WNT5B: variants seen among roughly 807,000 people sequenced by gnomAD.
The protein encoded by WNT5B is Wnt family member 5B, also known as protein Wnt-5b.
Under a neutral mutation model 36.5 loss-of-function variants are expected in WNT5B, and 18 were observed. The observed-to-expected ratio is 0.49, with a 90% CI of 0.34 to 0.73. WNT5B has a LOEUF of 0.73. WNT5B is among the 30% of genes least tolerant of loss of function. The pLI is 0.01. For synonymous variants in WNT5B, 213 were observed against 212.3 expected (o/e 1.00, Z -0.03); for missense variants, 424 against 508.4 (o/e 0.83, Z 1.60).
Position 1,646,288 on chromosome 12 carries a change from C to A in WNT5B, c.*36C>A. ...CTGCTCCCGGCCCCCCTGCACTCTG[C>A]CTCACAAAGGTCTATATTATATAAA... On this transcript the variant is annotated 3_prime_UTR_variant, in exon 5 of 5. Coordinates refer to ENST00000397196, the MANE Select transcript of WNT5B (RefSeq NM_032642.3). 6.5e-7 allele frequency: 1 copy of A among 1,542,896 alleles called. No individual in the cohort carries two copies. The highest frequency in any genetic ancestry group is 1.2e-5 in the South Asian group (1 of 82,946).
Position 1,646,098 on chromosome 12 carries a change from A to G in WNT5B, c.926A>G (p.Glu309Gly). 2 of 1,613,972 alleles carry G rather than the reference A, an allele frequency of 1.2e-6. No homozygotes were observed. The highest frequency in any genetic ancestry group is 1.6e-4 in the Middle Eastern group (1 of 6,062). The change falls in exon 5 of 5, where the codon GAG (glutamate) becomes GGG (glycine). Residue 309 changes from glutamate to glycine, a missense_variant. Coordinates refer to ENST00000397196, the MANE Select transcript of WNT5B (RefSeq NM_032642.3). ...GGCCGCCTCTGCAACAAGACCTCGG[A>G]GGGCATGGATGGCTGTGAGCTCATG... ...TQGRLCNKTS[E>G]GMDGCELMCC...
intron 4 of WNT5B, among the ~76,000 whole-genome samples, chr12:1,643,289 G>A (rs1381796750): frequency 6.6e-6 from 1 of 152,168 alleles, no homozygotes; most frequent in African/African-American, 2.4e-5. Context: ...TCTGTCACCA[G>A]GCTCAGCACA....
rs1322158939 is a variant in WNT5B at position 1,646,884 on chromosome 12, C to G, written c.*632C>G. ...CCTCCCGGACTTCAGGCCTGCCTTT[C>G]CAGCGAGAATTCTTCATCCTCCACG... On this transcript the variant is annotated 3_prime_UTR_variant, in exon 5 of 5. Coordinates refer to ENST00000397196, the MANE Select transcript of WNT5B (RefSeq NM_032642.3). 1 of 152,276 alleles carries G rather than the reference C, an allele frequency of 6.6e-6. No homozygotes were observed. The highest frequency in any genetic ancestry group is 1.5e-5 in the Non-Finnish European group (1 of 68,132). 9.4% of individuals were successfully genotyped at this position (152,276 alleles called of 1,614,324 possible).
chr12:1,629,034 T>G (rs530156458), upstream of WNT5B, among the ~76,000 whole-genome samples: 57 of 150,522 alleles, frequency 3.8e-4, no homozygotes, highest in African/African-American at 1.4e-3. Flanking sequence ...AGAGCCATTT[T>G]GGGGGGCAAT....
In WNT5B at chr12:1,639,836, TGTGGGGACAACGTGGA is replaced by T. The variant is rs775755796; in HGVS notation, c.484_499del (p.Gly162ThrfsTer31). ...GCCCCGGGACTGGCTGTGGGGCGGC[TGTGGGGACAACGTGGA>T]GTACGGCTACCGCTTCGCCAAGGAG... On this transcript the variant is annotated frameshift_variant, in exon 4 of 5. Coordinates refer to ENST00000397196, the MANE Select transcript of WNT5B (RefSeq NM_032642.3). LOFTEE classifies it high-confidence loss of function. 12 of 1,613,744 alleles carry T rather than the reference TGTGGGGACAACGTGGA, an allele frequency of 7.4e-6. No homozygotes were observed. In the African/African-American group the frequency reaches 1.5e-4, roughly 20 times the overall value.
chr12:1,624,884 C>T (rs1178229211), upstream of WNT5B, among the ~76,000 whole-genome samples: 2 of 151,796 alleles, frequency 1.3e-5, no homozygotes, highest in South Asian at 2.1e-4. Flanking sequence ...TCATAAGGGC[C>T]GAAGAGGTTG....
chr12:1,626,755 C>T (rs1256460515), upstream of WNT5B, among the ~76,000 whole-genome samples: 23 of 151,634 alleles, frequency 1.5e-4, no homozygotes, highest in East Asian at 1.2e-3. Flanking sequence ...TCAGTAGAGA[C>T]GGGGTTTCAC....
At chr12:1,643,636 G>A (rs1419736796) in intron 4 of WNT5B, among the ~76,000 whole-genome samples, 1 of 147,414 alleles carries the variant, frequency 6.8e-6, no homozygotes, top group African/African-American at 2.5e-5. Flanking sequence ...AAAGTGCTGG[G>A]ATTACAGGCA....
chr12:1,622,266 A>G (rs61912258), intron 1 of WNT5B, among the ~76,000 whole-genome samples: 9,133 of 151,644 alleles, frequency 0.06, 335 homozygotes, highest in Non-Finnish European at 0.083. Context: ...GCCCGCCACC[A>G]CGCCCGGCTA....
rs2094570681 is a variant in WNT5B, at chr12:1,639,753, G to A, written c.398G>A (p.Cys133Tyr). ...GTGGTCAACGCCATCAGCCGGGCCTGCCGCGAGGGCGAGCTCTCCACCTGC... is the reference window on the plus strand; with the variant it reads ...GTGGTCAACGCCATCAGCCGGGCCTACCGCGAGGGCGAGCTCTCCACCTGC... Reference protein sequence around the residue: ...AGVVNAISRACREGELSTCGC... With the variant: ...AGVVNAISRAYREGELSTCGC... The change falls in exon 4 of 5, where the codon TGC (cysteine) becomes TAC (tyrosine). Residue 133 changes from cysteine to tyrosine, a missense_variant. Coordinates refer to ENST00000397196, the MANE Select transcript of WNT5B (RefSeq NM_032642.3). 6.2e-7 allele frequency: 1 copy of A among 1,605,158 alleles called. No homozygotes were observed. The highest frequency in any genetic ancestry group is 8.5e-7 in the Non-Finnish European group (1 of 1,175,984).
chr12:1,634,194 G>A (rs554329302), intron 3 of WNT5B, among the ~76,000 whole-genome samples: 12 of 152,324 alleles, frequency 7.9e-5, no homozygotes, highest in African/African-American at 2.9e-4. Flanking sequence ...TCCCAAAAGA[G>A]TAGACTTGGG....
At chr12:1,623,399 G>T (rs932180996) in intron 1 of WNT5B, among the ~76,000 whole-genome samples, 15 of 151,592 alleles carry the variant, frequency 9.9e-5, no homozygotes, top group Non-Finnish European at 2.2e-4. Flanking sequence ...GTTTCACCGT[G>T]TTAGCCAGGA....
chr12:1,634,124 T>A (rs971727247), intron 3 of WNT5B, among the ~76,000 whole-genome samples: 1 of 152,190 alleles, frequency 6.6e-6, no homozygotes, highest in Non-Finnish European at 1.5e-5. Flanking sequence ...GCTCTCTTGC[T>A]TCCTTCGGTA....
At chr12:1,631,763 C>G (rs1380905476) in intron 2 of WNT5B, among the ~76,000 whole-genome samples, 1 of 151,898 alleles carries the variant, frequency 6.6e-6, no homozygotes, top group African/African-American at 2.4e-5. Flanking sequence ...GTTTTTTGTT[C>G]CTTTGTTTTG....
chr12:1,629,874 T>C (rs1439968952), intron 1 of WNT5B: 2 of 151,494 alleles, frequency 1.3e-5, no homozygotes, highest in Non-Finnish European at 2.9e-5. Context: ...GCGTGGAAGC[T>C]GTTAGTCCCG....
chr12:1,628,005 T>C (rs774533732), upstream of WNT5B, among the ~76,000 whole-genome samples: 4 of 152,180 alleles, frequency 2.6e-5, no homozygotes, highest in Non-Finnish European at 5.9e-5. Flanking sequence ...ATGAATGTAT[T>C]GAATGGCTGC....
At position 1,623,486 on chromosome 12, in the gene WNT5B, C is replaced by T. The variant is rs558314038; in HGVS notation, c.-58+6343C>T. ...CTGGGATTACAGGCTTGAGCCACCGCGCCCGGCCTCTTTGAAGGGTTTTAA... is the reference window on the plus strand; with the variant it reads ...CTGGGATTACAGGCTTGAGCCACCGTGCCCGGCCTCTTTGAAGGGTTTTAA... On this transcript the variant is annotated intron_variant, in intron 1 of 4. Coordinates refer to the WNT5B transcript ENST00000310594. Among the ~76,000 whole-genome samples the T allele has an allele frequency of 4.6e-5, 7 of 152,192 alleles. No homozygotes were observed. The East Asian group carries it at 9.7e-4, about 21-fold the overall frequency.
At chr12:1,635,889 G>C (rs935599675) in intron 3 of WNT5B, among the ~76,000 whole-genome samples, 1 of 152,200 alleles carries the variant, frequency 6.6e-6, no homozygotes, top group African/African-American at 2.4e-5. Flanking sequence ...CCAGAAGCCA[G>C]CCACTGGTTA....
Position 1,647,026 on chromosome 12 carries a change from G to T in WNT5B, c.*774G>T, listed in dbSNP as rs1343979637. 1 of 152,268 alleles carries T rather than the reference G, an allele frequency of 6.6e-6. No individual in the cohort carries two copies. The allele number at this position is 152,268 out of a possible 1,614,324, so 9.4% of individuals were successfully genotyped here. A position where few individuals can be genotyped will look rare whatever the true frequency, so the allele number is the denominator to read the frequency against. On this transcript the variant is annotated 3_prime_UTR_variant, in exon 5 of 5. Transcript: ENST00000397196. Reference sequence around the variant, plus strand: ...AAGCCAGGGTGCATGACCAGGCTGCGTGGACGTTATACTGTCTTCCCCCAC... The same window carrying T: ...AAGCCAGGGTGCATGACCAGGCTGCTTGGACGTTATACTGTCTTCCCCCAC...
Sources: allele counts gnomAD v4.1 joint callset (sites outside exome capture counted in the v4.1 genomes callset), GRCh38; gene constraint gnomAD v4.1.1; transcripts MANE v1.5; gene names NCBI Gene and HGNC (gene_info 2026-07-23, HGNC 2026-07-21).